ADGRF1: variants seen among roughly 807,000 people sequenced by gnomAD.
ADGRF1 encodes the protein adhesion G protein-coupled receptor F1, also known as G protein-coupled receptor 110.
A neutral mutation model predicts 87.2 loss-of-function variants in ADGRF1; 85 were observed. The observed-to-expected ratio is 0.97, with a 90% CI of 0.82 to 1.17. ADGRF1 has a LOEUF of 1.17. Ranked by LOEUF, ADGRF1 falls within the 50% of genes most tolerant of loss-of-function variation. The pLI, the probability that ADGRF1 is intolerant of heterozygous loss-of-function variation, is 0.00. For missense variants in ADGRF1, 1,169 were observed against 1,077.2 expected (o/e 1.09, Z -1.19); for synonymous variants, 430 against 408.8 (o/e 1.05, Z -0.63).
chr6:47,000,361 GA>G, intron 14 of ADGRF1, 66 bp from the exon 15 acceptor site: 1 of 1,180,506 alleles, frequency 8.5e-7, no homozygotes, highest in Non-Finnish European at 1.2e-6. Context: ...AGACCAAAAT[GA>G]AAATTAGCCT....
chr6:47,040,421 G>A (rs1020425085), intron 1 of ADGRF1, among the ~76,000 whole-genome samples: 3 of 152,018 alleles, frequency 2.0e-5, no homozygotes, highest in East Asian at 3.9e-4. Context: ...GCAGTGAGCC[G>A]AGATCACGCC....
intron 12 of ADGRF1, among the ~76,000 whole-genome samples, chr6:47,006,675 C>T (rs1420824986): frequency 1.3e-5 from 2 of 152,106 alleles, no homozygotes; most frequent in Admixed American, 6.6e-5. Context: ...TCCCTCACCC[C>T]CTTCCCACCC....
At chr6:47,037,701 C>T in intron 1 of ADGRF1, among the ~76,000 whole-genome samples, 1 of 152,080 alleles carries the variant, frequency 6.6e-6, no homozygotes, top group East Asian at 1.9e-4. Context: ...TTTGCAGAGA[C>T]ATGGTCTTGA....
At chr6:47,001,620 T>A in intron 13 of ADGRF1, 53 bp from the exon 14 acceptor site, 2 of 1,390,054 alleles carry the variant, frequency 1.4e-6, no homozygotes, top group East Asian at 4.6e-5. Context: ...CTTTTACTGT[T>A]GGTCTGCATT....
In ADGRF1 at chr6:47,000,025, CA is replaced by C; in HGVS notation, c.*196del. 2.0e-6 allele frequency: 1 copy of C among 503,724 alleles called. No homozygotes were observed. Among genetic ancestry groups the C allele is most frequent in the Non-Finnish European group, 3.6e-6 (1 of 279,872 alleles). The allele number at this position is 503,724 out of a possible 1,614,324, so 31.2% of individuals were successfully genotyped here. Reference sequence around the variant, plus strand: ...GGAGCACTTTCTTTGAATCAAATCACATGGAAATAAATCTTCTTTTCATTTA... The same window carrying C: ...GGAGCACTTTCTTTGAATCAAATCACTGGAAATAAATCTTCTTTTCATTTA... On this transcript the variant is annotated 3_prime_UTR_variant, in exon 15 of 15. Coordinates refer to ENST00000371253, the MANE Select transcript of ADGRF1 (RefSeq NM_153840.4).
intron 3 of ADGRF1, among the ~76,000 whole-genome samples, chr6:47,026,588 T>C (rs1780243168): frequency 6.6e-6 from 1 of 152,144 alleles, no homozygotes; most frequent in Admixed American, 6.5e-5. Flanking sequence ...GCACCTTTTC[T>C]TTCCCCACAG....
At chr6:47,031,375 C>G (rs1034784636) in intron 1 of ADGRF1, among the ~76,000 whole-genome samples, 1 of 150,606 alleles carries the variant, frequency 6.6e-6, no homozygotes. Context: ...CTCTCTCTCT[C>G]TCTCTCTCTC....
At chr6:47,002,742 CTG>C (rs1779394342) in intron 13 of ADGRF1, among the ~76,000 whole-genome samples, 2 of 152,102 alleles carry the variant, frequency 1.3e-5, no homozygotes, top group South Asian at 4.2e-4. Flanking sequence ...CCACCAGAGT[CTG>C]TGACTTGGAG....
Position 47,016,699 on chromosome 6 carries a change from A to AATGGC in ADGRF1, c.676_680dup (p.Ile227MetfsTer20), listed in dbSNP as rs1446354835. 1.2e-6 allele frequency: 2 copies of AATGGC among 1,612,814 alleles called. No individual in the cohort carries two copies. The highest frequency in any genetic ancestry group is 1.7e-6 in the Non-Finnish European group (2 of 1,178,958). On this transcript the variant is annotated frameshift_variant, in exon 8 of 15. Transcript: ENST00000371253. LOFTEE classifies it high-confidence loss of function. ...TCTTAGCCTTCTCGGCAACATGTTC[A>AATGGC]ATGGCTGACAGCAGTTCAGATGCAC...
At chr6:47,041,700 A>G (rs1017454516) in intron 1 of ADGRF1, among the ~76,000 whole-genome samples, 5 of 152,186 alleles carry the variant, frequency 3.3e-5, no homozygotes, top group African/African-American at 1.2e-4. Flanking sequence ...TACTTCCTGG[A>G]TATATATGGA....
At chr6:47,035,942 C>T (rs1004343411) in intron 1 of ADGRF1, among the ~76,000 whole-genome samples, 4 of 151,930 alleles carry the variant, frequency 2.6e-5, no homozygotes, top group Non-Finnish European at 5.9e-5. Context: ...TGAAGCGCTA[C>T]CTATTGGGCT....
intron 13 of ADGRF1, 100 bp downstream of exon 13, chr6:47,005,717 G>T: frequency 1.4e-6 from 1 of 709,908 alleles, no homozygotes; most frequent in South Asian, 1.9e-5. Flanking sequence ...AGAAATTCAA[G>T]GGGTTTACAC....
rs140015029 is a variant in ADGRF1, at chr6:47,032,988, G to A, written c.-43-3884C>T. 2.6e-3 allele frequency among the ~76,000 whole-genome samples: 393 copies of A among 152,292 alleles called. 2 individuals are homozygous for A. The highest frequency in any genetic ancestry group is 0.01 in the Middle Eastern group (3 of 294). On this transcript the variant is annotated intron_variant, in intron 1 of 14. Coordinates refer to ENST00000371253, the MANE Select transcript of ADGRF1 (RefSeq NM_153840.4). ...GTCATCATAAATCCCTCTGAACTTC[G>A]CCTTTAGTAAACATAAACCCCATGG...
rs781659590 is a variant in ADGRF1 at position 47,009,376 on chromosome 6, T to C, written c.2059A>G (p.Ile687Val). The C allele has an allele frequency of 6.2e-6, 10 of 1,613,974 alleles. No homozygotes were observed. In the Admixed American group the frequency reaches 8.3e-5, roughly 13 times the overall value. Residue 687 changes from isoleucine (I) to valine (V), a missense_variant, in exon 11 of 15, where the codon ATC (isoleucine) becomes GTC (valine). Transcript: ENST00000371253. ...MLGILLAYRI[I>V]LVFHHMAQHL... is the part of the protein sequence containing the mutation. ...TGGGCCATGTGATGGAACACGAGGA[T>C]GATCCGGTAAGCCAGCAGGATGCCA...
rs1779321517 is a variant in ADGRF1, at chr6:47,000,222, T to A, written c.2733A>T (p.Ter911TyrextTer5). 6.2e-7 allele frequency: 1 copy of A among 1,607,084 alleles called. No individual in the cohort carries two copies. The highest frequency in any genetic ancestry group is 1.3e-5 in the African/African-American group (1 of 74,812). ...IMLTQFVSNE[*>Y] ...TTTCTTGATTTTATGATTCCTTGCC[T>A]TATTCATTTGAGACAAACTGAGTTA... The change falls in exon 15 of 15, where the codon TAA becomes TAT. Residue 911 changes from the stop codon to tyrosine, a stop_lost. Coordinates refer to ENST00000371253, the MANE Select transcript of ADGRF1 (RefSeq NM_153840.4).
At chr6:47,025,817 C>T in intron 4 of ADGRF1, 37 bp downstream of exon 4, 4 of 1,544,702 alleles carry the variant, frequency 2.6e-6, no homozygotes, top group Middle Eastern at 1.7e-4. Flanking sequence ...TACCCGCCTT[C>T]CCCATTTATA....
At chr6:47,016,396 A>G (rs1779879871) in intron 8 of ADGRF1, among the ~76,000 whole-genome samples, 1 of 152,172 alleles carries the variant, frequency 6.6e-6, no homozygotes, top group Non-Finnish European at 1.5e-5. Flanking sequence ...TGTTTACACT[A>G]AGAGGTACAG....
chr6:47,004,448 A>C (rs1470820222), intron 13 of ADGRF1, among the ~76,000 whole-genome samples: 2 of 152,222 alleles, frequency 1.3e-5, no homozygotes, highest in Non-Finnish European at 2.9e-5. Context: ...CCTTCTCAGA[A>C]GTGTCAGTGC....
chr6:47,008,007 C>T (rs1249274388), intron 11 of ADGRF1, among the ~76,000 whole-genome samples: 1 of 152,230 alleles, frequency 6.6e-6, no homozygotes, highest in East Asian at 1.9e-4. Flanking sequence ...CCAGACAATG[C>T]GATAAGTGCT....
Sources: gnomAD v4.1 joint callset for allele counts (sites outside exome capture counted in the v4.1 genomes callset) on GRCh38, gnomAD v4.1.1 for gene constraint, MANE v1.5 for transcripts, NCBI Gene and HGNC (gene_info 2026-07-23, HGNC 2026-07-21) for gene names.